The following RGS6 variants were observed in gnomAD, a reference collection of about 807,000 sequenced individuals.
The protein encoded by RGS6 is regulator of G protein signaling 6.
Under a neutral mutation model 78.5 loss-of-function variants are expected in RGS6, and 30 were observed. The observed-to-expected ratio is 0.38, with a 90% CI of 0.29 to 0.52. RGS6 has a LOEUF of 0.52. Ranked by LOEUF, RGS6 falls within the 20% of genes least tolerant of loss-of-function variation. The pLI, the probability that RGS6 is intolerant of heterozygous loss-of-function variation, is 0.85. For missense variants in RGS6, 495 were observed against 609.7 expected (o/e 0.81, Z 1.98); for synonymous variants, 206 against 206.0 (o/e 1.00, Z 0.00).
intron 2 of RGS6, among the ~76,000 whole-genome samples, chr14:72,208,296 G>A (rs1387804548): frequency 1.3e-5 from 2 of 152,194 alleles, no homozygotes; most frequent in African/African-American, 4.8e-5. Flanking sequence ...CCAACACAGA[G>A]GGAAACACAG....
At chr14:71,959,274 G>A (rs2067856) in intron 1 of RGS6, among the ~76,000 whole-genome samples, 28,487 of 152,064 alleles carry the variant, frequency 0.19, 2,775 homozygotes, top group African/African-American at 0.24. Context: ...GTACTACTGA[G>A]CTAGCACACA....
the RGS6 span, among the ~76,000 whole-genome samples, chr14:72,586,817 T>A: frequency 6.6e-6 from 1 of 152,200 alleles, no homozygotes; most frequent in African/African-American, 2.4e-5. Flanking sequence ...CTTTTTAATA[T>A]TCCTAAATAC....
At chr14:72,011,863 G>A (rs958720351) in intron 2 of RGS6, among the ~76,000 whole-genome samples, 18 of 152,060 alleles carry the variant, frequency 1.2e-4, no homozygotes, top group African/African-American at 3.6e-4. Context: ...TGTATTTAAC[G>A]GTCTATTGTT....
intron 1 of RGS6, among the ~76,000 whole-genome samples, chr14:71,939,294 G>T (rs1390695137): frequency 6.6e-6 from 1 of 152,164 alleles, no homozygotes; most frequent in African/African-American, 2.4e-5. Context: ...AAATTTTATT[G>T]GGGTAGAAGG....
chr14:72,268,779 C>T (rs558893572), intron 2 of RGS6, among the ~76,000 whole-genome samples: 3 of 152,100 alleles, frequency 2.0e-5, no homozygotes, highest in African/African-American at 4.8e-5. Context: ...CCCCATAAGA[C>T]AATAATGATA....
intron 8 of RGS6, among the ~76,000 whole-genome samples, chr14:72,470,606 G>A (rs1245668739): frequency 6.6e-6 from 1 of 152,052 alleles, no homozygotes; most frequent in Non-Finnish European, 1.5e-5. Context: ...GGCTGGGCAT[G>A]GTGGCTCATG....
chr14:71,890,298 A>G, the RGS6 span, among the ~76,000 whole-genome samples: 4 of 151,230 alleles, frequency 2.6e-5, no homozygotes. Context: ...GACAGCCGGT[A>G]GGATTAGTCT....
At chr14:72,438,411 A>T (rs1350270128) in intron 3 of RGS6, among the ~76,000 whole-genome samples, 1 of 152,086 alleles carries the variant, frequency 6.6e-6, no homozygotes, top group African/African-American at 2.4e-5. Context: ...ACAAATCCAG[A>T]TTCAACAGCC....
chr14:72,217,121 G>A (rs910262077), intron 2 of RGS6, among the ~76,000 whole-genome samples: 3 of 152,130 alleles, frequency 2.0e-5, no homozygotes, highest in Admixed American at 6.6e-5. Flanking sequence ...CAAAGATAAG[G>A]TAAATCAAAG....
chr14:72,282,428 C>A (rs1268282617), intron 2 of RGS6, among the ~76,000 whole-genome samples: 2 of 152,172 alleles, frequency 1.3e-5, no homozygotes, highest in African/African-American at 4.8e-5. Flanking sequence ...CTGACTCTAA[C>A]AGAGTTGCAG....
At chr14:72,217,778 CTTGTTTGTT>C (rs989519457) in intron 2 of RGS6, among the ~76,000 whole-genome samples, 2 of 152,048 alleles carry the variant, frequency 1.3e-5, no homozygotes, top group African/African-American at 4.8e-5. Context: ...TTTTGCTTCT[CTTGTTTGTT>C]TTTATATACT....
intron 3 of RGS6, among the ~76,000 whole-genome samples, chr14:72,417,505 G>A (rs915034482): frequency 6.6e-6 from 1 of 152,134 alleles, no homozygotes; most frequent in Non-Finnish European, 1.5e-5. Context: ...AGATAGTGGG[G>A]AGCTGGATTT....
At chr14:71,982,985 C>T (rs1162685588) in intron 2 of RGS6, among the ~76,000 whole-genome samples, 1 of 152,056 alleles carries the variant, frequency 6.6e-6, no homozygotes, top group African/African-American at 2.4e-5. Context: ...AAAGACATAT[C>T]CTGAGTGTCT....
intron 1 of RGS6, chr14:71,933,444 G>C (rs373095943): frequency 6.6e-6 from 1 of 152,206 alleles, no homozygotes; most frequent in Non-Finnish European, 1.5e-5. Flanking sequence ...TTGTTGTTTG[G>C]GAACTGCGCT....
intron 2 of RGS6, among the ~76,000 whole-genome samples, chr14:72,155,975 C>T (rs898177131): frequency 6.6e-6 from 1 of 152,212 alleles, no homozygotes; most frequent in Non-Finnish European, 1.5e-5. Context: ...AGATTAGAAT[C>T]ACCTGTAGAC....
intron 17 of RGS6, among the ~76,000 whole-genome samples, chr14:72,555,210 T>C (rs948619185): frequency 6.6e-6 from 1 of 152,210 alleles, no homozygotes; most frequent in African/African-American, 2.4e-5. Flanking sequence ...GCATTTGCCA[T>C]GTGTGTTCCT....
upstream of RGS6, among the ~76,000 whole-genome samples, chr14:71,931,825 G>GA (rs1491271288): frequency 2.0e-5 from 3 of 152,300 alleles, no homozygotes; most frequent in African/African-American, 7.2e-5. Flanking sequence ...AAGAATATCT[G>GA]AGAGTTACTT....
At chr14:72,422,323 T>C (rs557575006) in intron 3 of RGS6, among the ~76,000 whole-genome samples, 4 of 152,342 alleles carry the variant, frequency 2.6e-5, no homozygotes, top group African/African-American at 9.6e-5. Flanking sequence ...AACGGCAATA[T>C]GAGCTTTACA....
At chr14:72,058,518 T>G (rs970989618) in intron 2 of RGS6, among the ~76,000 whole-genome samples, 1 of 151,998 alleles carries the variant, frequency 6.6e-6, no homozygotes, top group African/African-American at 2.4e-5. Flanking sequence ...TTTTTTTTTT[T>G]GTCTACTGTT....
Sources: allele counts gnomAD v4.1 joint callset (sites outside exome capture counted in the v4.1 genomes callset), GRCh38; gene constraint gnomAD v4.1.1; transcripts MANE v1.5; gene names NCBI Gene and HGNC (gene_info 2026-07-23, HGNC 2026-07-21).